DENND4C: variants seen among roughly 807,000 people sequenced by gnomAD.
DENND4C encodes DENN domain containing 4C.
A neutral mutation model predicts 203.0 loss-of-function variants in DENND4C; 108 were observed. The observed-to-expected ratio is 0.53, with a 90% CI of 0.46 to 0.62. The LOEUF (loss-of-function observed/expected upper bound fraction) is 0.62, where lower values mean the gene tolerates loss of function less well. Ranked by LOEUF, DENND4C falls within the 20% of genes least tolerant of loss-of-function variation. The pLI is 0.00. For missense variants in DENND4C, 2,481 were observed against 2,301.2 expected (o/e 1.08, Z -1.60); for synonymous variants, 871 against 792.4 (o/e 1.10, Z -1.67).
chr9:19,252,888 G>A (rs557803349), intron 1 of DENND4C, among the ~76,000 whole-genome samples: 3 of 152,104 alleles, frequency 2.0e-5, no homozygotes, highest in East Asian at 1.9e-4. Flanking sequence ...GGCACGAGCC[G>A]CCACACCTGG....
intron 1 of DENND4C, among the ~76,000 whole-genome samples, chr9:19,273,702 A>G (rs1163275859): frequency 2.0e-5 from 3 of 152,150 alleles, no homozygotes; most frequent in Non-Finnish European, 1.5e-5. Flanking sequence ...AGTAATTGCA[A>G]ATTAAAACCA....
chr9:19,280,102 C>G (rs1014378486), intron 2 of DENND4C, among the ~76,000 whole-genome samples: 4 of 146,998 alleles, frequency 2.7e-5, no homozygotes, highest in African/African-American at 1.0e-4. Flanking sequence ...AGGGGCCGGC[C>G]TGCCTGCTTG....
At chr9:19,357,666 T>G (rs1278880334) in intron 27 of DENND4C, 12 of 260,896 alleles carry the variant, frequency 4.6e-5, no homozygotes, top group Non-Finnish European at 8.0e-5. Context: ...TTTTGTTTAA[T>G]AAAGATGAAA....
intron 2 of DENND4C, among the ~76,000 whole-genome samples, chr9:19,279,694 A>AG (rs1034152617): frequency 1.3e-5 from 2 of 151,660 alleles, no homozygotes; most frequent in African/African-American, 4.8e-5. Flanking sequence ...AAAAAAAAAA[A>AG]AAATTAGCAA....
chr9:19,254,854 G>A (rs1236378018), intron 1 of DENND4C, among the ~76,000 whole-genome samples: 5 of 152,020 alleles, frequency 3.3e-5, no homozygotes, highest in Non-Finnish European at 5.9e-5. Context: ...GGCCGGGACC[G>A]GGTGTGGGGG....
Position 19,273,364 on chromosome 9 carries a change from G to T in DENND4C, c.-17-2794G>T, listed in dbSNP as rs982692671. On this transcript the variant is annotated intron_variant, in intron 1 of 32. Coordinates refer to ENST00000434457, the MANE Select transcript of DENND4C (RefSeq NM_001330640.2). ...GCCTCCCAAAGTGCAGGAATTATAG[G>T]TGTAAGCCACCACGCTTGGCTGACA... Among the ~76,000 whole-genome samples the T allele has an allele frequency of 1.4e-4, 22 of 152,132 alleles. 2 individuals carry two copies. The highest frequency in any genetic ancestry group is 4.6e-4 in the Admixed American group (7 of 15,284).
In DENND4C at chr9:19,276,515, G is replaced by A. The variant is rs913481333; in HGVS notation, c.305+36G>A. 43 of 1,194,186 alleles carry A rather than the reference G, an allele frequency of 3.6e-5. 2 individuals are homozygous for A. In the Admixed American group the frequency reaches 5.1e-4, roughly 14 times the overall value. 74.0% of individuals were successfully genotyped at this position (1,194,186 alleles called of 1,614,324 possible). On this transcript the variant is annotated intron_variant, in intron 2 of 32. Transcript: ENST00000434457. The stretch of plus-strand genomic sequence containing the variant: ...TTCTTTTCTTTGCTATAGTGAAGGA[G>A]TAAAATTTATTTAAGGGCCATGGAA...
chr9:19,265,018 T>C (rs1830198862), intron 1 of DENND4C, among the ~76,000 whole-genome samples: 1 of 152,084 alleles, frequency 6.6e-6, no homozygotes, highest in Admixed American at 6.6e-5. Context: ...AATTTTAAAA[T>C]TTTCTTTCTT....
intron 2 of DENND4C, 66 bp downstream of exon 2, chr9:19,276,545 G>A (rs991942417): frequency 3.1e-6 from 3 of 960,668 alleles, no homozygotes; most frequent in Non-Finnish European, 4.0e-6. Flanking sequence ...ATGGAAGTAG[G>A]AATTTGAAAT....
chr9:19,369,953 T>G lies in DENND4C; in HGVS notation c.5641T>G (p.Ser1881Ala). ...NNVLKPINLL[S>A]QQMKPGMKRQ... ...TGTTCTTAAACCCATCAACCTACTT[T>G]CACAGCAAATGAAGCCAGGCATGAA... Residue 1881 changes from serine (S) to alanine (A), a missense_variant, in exon 31 of 33, where the codon TCA becomes GCA. Ser to Ala is a moderately conservative substitution (Grantham distance 99). Around this residue, in one of 3 missense-constraint regions of DENND4C, gnomAD observed 2,289 missense variants for 2,113.3 expected, o/e 1.08. Coordinates refer to ENST00000434457, the MANE Select transcript of DENND4C (RefSeq NM_001330640.2). 4 of 1,613,912 alleles carry G rather than the reference T, an allele frequency of 2.5e-6. No individual in the cohort carries two copies. The highest frequency in any genetic ancestry group is 2.5e-6 in the Non-Finnish European group (3 of 1,179,936).
intron 1 of DENND4C, among the ~76,000 whole-genome samples, chr9:19,250,609 C>A (rs936120369): frequency 6.6e-6 from 1 of 152,158 alleles, no homozygotes; most frequent in Non-Finnish European, 1.5e-5. Context: ...TTTCCTCCGC[C>A]GATTAGCTTG....
chr9:19,365,815 TTTTA>T (rs953538959), intron 30 of DENND4C, among the ~76,000 whole-genome samples: 8 of 151,930 alleles, frequency 5.3e-5, no homozygotes, highest in Admixed American at 2.0e-4. Context: ...AAGAAAACAA[TTTTA>T]TTTATTTATA....
At chr9:19,324,556 C>A in intron 13 of DENND4C, 49 bp downstream of exon 13, 1 of 1,551,164 alleles carries the variant, frequency 6.4e-7, no homozygotes, top group South Asian at 1.2e-5. Context: ...GTTTGCCTTA[C>A]CTGTGTAATT....
At chr9:19,269,759 C>G (rs1027367915) in intron 1 of DENND4C, among the ~76,000 whole-genome samples, 10 of 152,038 alleles carry the variant, frequency 6.6e-5, no homozygotes, top group African/African-American at 2.2e-4. Context: ...TCACTGGTGC[C>G]TCATTTAGTT....
chr9:19,301,936 A>C (rs890552346), intron 9 of DENND4C, among the ~76,000 whole-genome samples: 30 of 152,004 alleles, frequency 2.0e-4, no homozygotes, highest in Non-Finnish European at 2.9e-5. Flanking sequence ...ACTCCGTCTC[A>C]AAAAAAATAA....
chr9:19,311,869 G>T (rs1032112539), intron 10 of DENND4C, among the ~76,000 whole-genome samples: 2 of 152,074 alleles, frequency 1.3e-5, no homozygotes, highest in African/African-American at 4.8e-5. Flanking sequence ...TTCTATGGAG[G>T]ATATCTGGCA....
intron 15 of DENND4C, 30 bp from the exon 16 acceptor site, chr9:19,328,000 T>G (rs1818180675): frequency 6.4e-7 from 1 of 1,572,340 alleles, no homozygotes; most frequent in Non-Finnish European, 8.6e-7. Flanking sequence ...GTGTTTTAAA[T>G]CAGCAGTTCT....
chr9:19,354,825 C>T (rs1825013314), intron 26 of DENND4C, among the ~76,000 whole-genome samples: 1 of 151,692 alleles, frequency 6.6e-6, no homozygotes. Context: ...GGATTACAGG[C>T]GTGAGCCACT....
intron 9 of DENND4C, among the ~76,000 whole-genome samples, chr9:19,304,330 A>G (rs2131363263): frequency 6.7e-6 from 1 of 148,772 alleles, no homozygotes; most frequent in South Asian, 2.2e-4. Context: ...GATTACAGAC[A>G]TGTGCCACCA....
Sources: gnomAD v4.1 joint callset for allele counts (sites outside exome capture counted in the v4.1 genomes callset) on GRCh38, gnomAD v4.1.1 for gene constraint, gnomAD v4.1.1 regional missense constraint, MANE v1.5 for transcripts, NCBI Gene and HGNC (gene_info 2026-07-23, HGNC 2026-07-21) for gene names.